The following SYT1 variants were observed in gnomAD, a reference collection of about 807,000 sequenced individuals.
The protein encoded by SYT1 is synaptotagmin 1.
In SYT1, 8 loss-of-function variants were observed where a neutral mutation model predicts 44.8. The observed-to-expected ratio is 0.18, with a 90% CI of 0.10 to 0.32. The LOEUF (loss-of-function observed/expected upper bound fraction) is 0.32, where lower values mean the gene tolerates loss of function less well. SYT1 is among the 10% of genes least tolerant of loss of function. The pLI is 1.00. For synonymous variants in SYT1, 154 were observed against 188.8 expected (o/e 0.82, Z 1.51); for missense variants, 286 against 509.3 (o/e 0.56, Z 4.22).
chr12:78,913,597 A>G (rs1001945299), intron 1 of SYT1, among the ~76,000 whole-genome samples: 1 of 151,850 alleles, frequency 6.6e-6, no homozygotes, highest in Non-Finnish European at 1.5e-5. Flanking sequence ...TTCCTCATTC[A>G]TTCTTTACTC....
intron 3 of SYT1, among the ~76,000 whole-genome samples, chr12:79,099,555 TTAAAG>T (rs751948157): frequency 1.8e-4 from 28 of 152,274 alleles, no homozygotes; most frequent in African/African-American, 6.7e-4. Context: ...TCTCAGATGG[TTAAAG>T]TAGTCTATCT....
intron 3 of SYT1, among the ~76,000 whole-genome samples, chr12:79,117,065 A>G (rs909157495): frequency 6.6e-6 from 1 of 152,224 alleles, no homozygotes; most frequent in Non-Finnish European, 1.5e-5. Flanking sequence ...TCTTGAGTGT[A>G]GGCGTTCCTT....
At chr12:78,893,763 A>T (rs1177856525) in intron 1 of SYT1, among the ~76,000 whole-genome samples, 1 of 151,702 alleles carries the variant, frequency 6.6e-6, no homozygotes, top group Non-Finnish European at 1.5e-5. Flanking sequence ...AAAAATAAAA[A>T]CCATGGTGCA....
chr12:79,145,819 G>A (rs1222249689), intron 3 of SYT1, among the ~76,000 whole-genome samples: 6 of 150,968 alleles, frequency 4.0e-5, no homozygotes, highest in Non-Finnish European at 7.4e-5. Context: ...GTGCAGTGGC[G>A]GGATCTCGGC....
intron 8 of SYT1, among the ~76,000 whole-genome samples, chr12:79,316,922 A>G (rs1371335190): frequency 6.6e-6 from 1 of 152,242 alleles, no homozygotes; most frequent in Non-Finnish European, 1.5e-5. Flanking sequence ...TCGGAGTCCA[A>G]GTCACATCAA....
At chr12:78,937,864 A>G (rs566462705) in intron 1 of SYT1, among the ~76,000 whole-genome samples, 14 of 152,282 alleles carry the variant, frequency 9.2e-5, no homozygotes, top group African/African-American at 3.4e-4. Context: ...TGAAAGCCAG[A>G]GCTCTCTAAT....
chr12:79,205,080 T>C (rs1344337663), intron 3 of SYT1, among the ~76,000 whole-genome samples: 1 of 150,458 alleles, frequency 6.6e-6, no homozygotes, highest in Admixed American at 6.7e-5. Flanking sequence ...TTCTCCTGCC[T>C]CAGCCTCCCG....
At chr12:79,028,277 A>G (rs780658678) in intron 2 of SYT1, among the ~76,000 whole-genome samples, 1 of 151,352 alleles carries the variant, frequency 6.6e-6, no homozygotes, top group Non-Finnish European at 1.5e-5. Flanking sequence ...CTTCAATACA[A>G]ATCTGTTTTT....
At chr12:78,973,846 AAACTGAAAAAAAAATTAACTCT>A (rs1868551174) in intron 1 of SYT1, among the ~76,000 whole-genome samples, 2 of 148,418 alleles carry the variant, frequency 1.3e-5, no homozygotes, top group Non-Finnish European at 3.0e-5. Context: ...AGCAAAAACC[AAACTGAAAAAAAAATTAACTCT>A]TGTAGATTTT....
At chr12:79,099,915 C>T (rs1480802526) in intron 3 of SYT1, among the ~76,000 whole-genome samples, 3 of 152,068 alleles carry the variant, frequency 2.0e-5, no homozygotes, top group Admixed American at 6.6e-5. Flanking sequence ...ATTCAACATT[C>T]CAGGTAATCG....
intron 2 of SYT1, among the ~76,000 whole-genome samples, chr12:79,032,045 A>G (rs2137675595): frequency 6.6e-6 from 1 of 151,312 alleles, no homozygotes; most frequent in Non-Finnish European, 1.5e-5. Flanking sequence ...ACGTTTACAT[A>G]AAAGTCAGGA....
At chr12:78,959,521 T>C (rs1046414485) in intron 1 of SYT1, among the ~76,000 whole-genome samples, 3 of 152,208 alleles carry the variant, frequency 2.0e-5, no homozygotes, top group African/African-American at 7.2e-5. Context: ...AAACATTGTT[T>C]ATGAATTGGC....
chr12:79,091,565 C>A (rs73353580), intron 3 of SYT1, among the ~76,000 whole-genome samples: 4 of 151,896 alleles, frequency 2.6e-5, no homozygotes, highest in African/African-American at 9.7e-5. Context: ...CTGGAGTCAA[C>A]CAGCTTCAGC....
intron 9 of SYT1, among the ~76,000 whole-genome samples, chr12:79,372,646 A>C (rs1292605180): frequency 6.6e-6 from 1 of 152,208 alleles, no homozygotes; most frequent in Non-Finnish European, 1.5e-5. Flanking sequence ...TGAACAAGCA[A>C]ATGATGCTTA....
chr12:79,382,705 T>C (rs920748922), intron 9 of SYT1, among the ~76,000 whole-genome samples: 1 of 152,264 alleles, frequency 6.6e-6, no homozygotes, highest in Non-Finnish European at 1.5e-5. Flanking sequence ...TTAGTCCTGC[T>C]ACACCTATGG....
At chr12:78,917,621 CAA>C (rs201441274) in intron 1 of SYT1, among the ~76,000 whole-genome samples, 6,533 of 131,318 alleles carry the variant, frequency 0.05, 186 homozygotes, top group South Asian at 0.099. Flanking sequence ...AAAAAAATTT[CAA>C]AAAAAAAAAA....
chr12:79,396,692 T>A (rs1884883450), intron 9 of SYT1, among the ~76,000 whole-genome samples: 1 of 152,190 alleles, frequency 6.6e-6, no homozygotes, highest in East Asian at 1.9e-4. Flanking sequence ...AAATACTTTG[T>A]GTGACTTGAT....
chr12:79,066,073 C>A (rs1875828182), intron 3 of SYT1, among the ~76,000 whole-genome samples: 1 of 152,100 alleles, frequency 6.6e-6, no homozygotes, highest in African/African-American at 2.4e-5. Context: ...AACACAAATA[C>A]ACATGCACAC....
At chr12:79,179,197 T>TATATAG (rs1430758442) in intron 3 of SYT1, among the ~76,000 whole-genome samples, 1 of 52,682 alleles carries the variant, frequency 1.9e-5, no homozygotes, top group African/African-American at 1.2e-4. Context: ...TAGATATAGA[T>TATATAG]ATATAGATAT....
Sources: gnomAD v4.1 joint callset for allele counts (sites outside exome capture counted in the v4.1 genomes callset) on GRCh38, gnomAD v4.1.1 for gene constraint, MANE v1.5 for transcripts, NCBI Gene and HGNC (gene_info 2026-07-23, HGNC 2026-07-21) for gene names.